GALNT13: variants seen among roughly 807,000 people sequenced by gnomAD.
GALNT13 encodes UDP-GalNAc:polypeptide N-acetylgalactosaminyltransferase 13.
Under a neutral mutation model 64.2 loss-of-function variants are expected in GALNT13, and 28 were observed. The ratio of observed to expected loss-of-function variants is 0.44; its 90% CI spans 0.32 to 0.60. The LOEUF (loss-of-function observed/expected upper bound fraction) is 0.60, where lower values mean the gene tolerates loss of function less well. Among genes scored for constraint, GALNT13 ranks in the 20% least tolerant of loss-of-function variants. The pLI is 0.05. For synonymous variants in GALNT13, 214 were observed against 224.6 expected (o/e 0.95, Z 0.42); for missense variants, 577 against 669.8 (o/e 0.86, Z 1.53).
intron 1 of GALNT13, among the ~76,000 whole-genome samples, chr2:153,900,587 C>T (rs889056797): frequency 2.0e-5 from 3 of 152,146 alleles, no homozygotes; most frequent in Non-Finnish European, 4.4e-5. Flanking sequence ...CAACTCTCCA[C>T]GTATATTTAC....
chr2:153,311,330 A>G, the GALNT13 span, among the ~76,000 whole-genome samples: 1 of 151,386 alleles, frequency 6.6e-6, no homozygotes, highest in Admixed American at 6.6e-5. Context: ...ATGGAAGAGT[A>G]TATTTTATTC....
chr2:153,096,359 G>A, the GALNT13 span, among the ~76,000 whole-genome samples: 1 of 151,994 alleles, frequency 6.6e-6, no homozygotes, highest in Non-Finnish European at 1.5e-5. Context: ...TCGATAAAAT[G>A]TTCTATAAAT....
intron 1 of GALNT13, among the ~76,000 whole-genome samples, chr2:153,874,057 C>A (rs1302434174): frequency 6.6e-6 from 1 of 151,084 alleles, no homozygotes; most frequent in Non-Finnish European, 1.5e-5. Flanking sequence ...TTTTGCATTA[C>A]ATTACTAATC....
At chr2:153,603,425 A>ATG in the GALNT13 span, among the ~76,000 whole-genome samples, 1 of 151,974 alleles carries the variant, frequency 6.6e-6, no homozygotes, top group Non-Finnish European at 1.5e-5. Flanking sequence ...TTCATTCTGG[A>ATG]ACAGATACCC....
At chr2:154,340,226 A>G (rs1695683627) in intron 9 of GALNT13, among the ~76,000 whole-genome samples, 1 of 151,988 alleles carries the variant, frequency 6.6e-6, no homozygotes, top group Non-Finnish European at 1.5e-5. Context: ...CATCTTCCTT[A>G]ATCCTCTTTT....
At chr2:153,371,592 A>G in the GALNT13 span, among the ~76,000 whole-genome samples, 1 of 152,218 alleles carries the variant, frequency 6.6e-6, no homozygotes, top group African/African-American at 2.4e-5. Flanking sequence ...AATCTAAAGA[A>G]AAACTATGTT....
At chr2:153,841,681 A>G in the GALNT13 span, among the ~76,000 whole-genome samples, 1 of 152,134 alleles carries the variant, frequency 6.6e-6, no homozygotes, top group Non-Finnish European at 1.5e-5. Flanking sequence ...CTCTCATAAT[A>G]TTTATTATAC....
At chr2:153,300,077 A>G in the GALNT13 span, among the ~76,000 whole-genome samples, 1 of 152,204 alleles carries the variant, frequency 6.6e-6, no homozygotes, top group Non-Finnish European at 1.5e-5. Context: ...GTTAGGAAAC[A>G]GCTAATGTGT....
At chr2:153,389,219 A>T in the GALNT13 span, among the ~76,000 whole-genome samples, 1 of 152,104 alleles carries the variant, frequency 6.6e-6, no homozygotes, top group Non-Finnish European at 1.5e-5. Flanking sequence ...TTTTCAGCAC[A>T]GCCAATTTGA....
the GALNT13 span, among the ~76,000 whole-genome samples, chr2:153,596,451 C>G: frequency 6.6e-6 from 1 of 152,162 alleles, no homozygotes; most frequent in South Asian, 2.1e-4. Flanking sequence ...AGTAATAAGC[C>G]TAGCATGACA....
chr2:154,146,050 G>A (rs77488659), intron 4 of GALNT13, among the ~76,000 whole-genome samples: 3 of 151,812 alleles, frequency 2.0e-5, no homozygotes, highest in Non-Finnish European at 4.4e-5. Flanking sequence ...ATGTGCTCAT[G>A]TGTAGAATTA....
At chr2:153,394,708 C>G in the GALNT13 span, among the ~76,000 whole-genome samples, 3 of 152,072 alleles carry the variant, frequency 2.0e-5, no homozygotes, top group Admixed American at 2.0e-4. Context: ...GTCTTTCCAA[C>G]CATAAGGAAA....
At chr2:153,749,642 A>G in the GALNT13 span, among the ~76,000 whole-genome samples, 1 of 151,762 alleles carries the variant, frequency 6.6e-6, no homozygotes, top group Non-Finnish European at 1.5e-5. Context: ...CAGATTGTTC[A>G]CTGTTGGCAT....
At chr2:153,368,820 T>C in the GALNT13 span, among the ~76,000 whole-genome samples, 1 of 151,928 alleles carries the variant, frequency 6.6e-6, no homozygotes. Context: ...ATAAACCAAA[T>C]ATACCTAATG....
At chr2:153,606,294 C>G in the GALNT13 span, among the ~76,000 whole-genome samples, 20 of 151,962 alleles carry the variant, frequency 1.3e-4, no homozygotes. Flanking sequence ...ACTTGGGGGC[C>G]TATTGAAGAT....
the GALNT13 span, among the ~76,000 whole-genome samples, chr2:153,605,610 G>T: frequency 6.6e-6 from 1 of 151,886 alleles, no homozygotes; most frequent in South Asian, 2.1e-4. Flanking sequence ...TTCACTTTTT[G>T]CAGTGTGTGT....
At chr2:153,308,000 G>A in the GALNT13 span, among the ~76,000 whole-genome samples, 1 of 152,192 alleles carries the variant, frequency 6.6e-6, no homozygotes, top group East Asian at 1.9e-4. Context: ...AGATATATTA[G>A]TGTTTGTGTG....
chr2:153,356,105 AAAG>A, the GALNT13 span, among the ~76,000 whole-genome samples: 1 of 152,214 alleles, frequency 6.6e-6, no homozygotes, highest in Non-Finnish European at 1.5e-5. Flanking sequence ...CAAAGTACCT[AAAG>A]AAGTGTAGTA....
intron 3 of GALNT13, among the ~76,000 whole-genome samples, chr2:153,966,558 C>G (rs1006508232): frequency 6.6e-6 from 1 of 151,834 alleles, no homozygotes; most frequent in African/African-American, 2.4e-5. Context: ...TTAGTAGACA[C>G]GGGGTCTCAC....
Sources: gnomAD v4.1 joint callset for allele counts (sites outside exome capture counted in the v4.1 genomes callset) on GRCh38, gnomAD v4.1.1 for gene constraint, MANE v1.5 for transcripts, NCBI Gene and HGNC (gene_info 2026-07-23, HGNC 2026-07-21) for gene names.